Variants in TBC1D22A observed in about 807,000 individuals in gnomAD.
TBC1D22A encodes TBC1 domain family member 22A, also known as putative GTPase activator.
Under a neutral mutation model 60.2 loss-of-function variants are expected in TBC1D22A, and 38 were observed. That is an observed-to-expected ratio of 0.63 (90% CI 0.49 to 0.83). The LOEUF (loss-of-function observed/expected upper bound fraction) is 0.83. TBC1D22A is among the 40% of genes least tolerant of loss of function. The pLI, the probability that TBC1D22A is intolerant of heterozygous loss-of-function variation, is 0.00. For missense variants in TBC1D22A, 628 were observed against 701.0 expected, an observed-to-expected ratio of 0.90 and a Z score of 1.18; for synonymous variants, 302 against 281.7, an observed-to-expected ratio of 1.07 and a Z score of -0.72.
chr22:47,171,296 C>A (rs956158293), intron 12 of TBC1D22A, among the ~76,000 whole-genome samples: 1 of 152,214 alleles, frequency 6.6e-6, no homozygotes, highest in African/African-American at 2.4e-5. Context: ...GTGGCCCTCC[C>A]TGTCCCTTGT....
chr22:46,803,534 C>T (rs2084994016), intron 4 of TBC1D22A, among the ~76,000 whole-genome samples: 1 of 152,212 alleles, frequency 6.6e-6, no homozygotes, highest in Non-Finnish European at 1.5e-5. Flanking sequence ...GCGTCGCCCT[C>T]TAGTGGCCAG....
intron 4 of TBC1D22A, among the ~76,000 whole-genome samples, chr22:46,813,388 T>G (rs1270666974): frequency 2.0e-5 from 3 of 152,204 alleles, no homozygotes; most frequent in African/African-American, 4.8e-5. Flanking sequence ...TTATTTTCAG[T>G]GAGATTTTAA....
intron 4 of TBC1D22A, among the ~76,000 whole-genome samples, chr22:46,823,622 A>C (rs1421816092): frequency 1.3e-5 from 2 of 152,240 alleles, no homozygotes; most frequent in Non-Finnish European, 2.9e-5. Context: ...GGAGGATTCA[A>C]TGAATTCATG....
intron 11 of TBC1D22A, among the ~76,000 whole-genome samples, chr22:47,071,413 G>T (rs764738371): frequency 7.9e-5 from 12 of 152,198 alleles, no homozygotes; most frequent in Admixed American, 2.6e-4. Context: ...CTTTTTGGTG[G>T]AAGTGCAGGC....
At chr22:47,087,277 G>A (rs1035806617) in intron 11 of TBC1D22A, among the ~76,000 whole-genome samples, 1 of 152,102 alleles carries the variant, frequency 6.6e-6, no homozygotes, top group Non-Finnish European at 1.5e-5. Context: ...AGATACAAAG[G>A]GTCAGATCTG....
At chr22:47,084,730 T>C (rs1020839822) in intron 11 of TBC1D22A, among the ~76,000 whole-genome samples, 1 of 152,206 alleles carries the variant, frequency 6.6e-6, no homozygotes, top group Non-Finnish European at 1.5e-5. Context: ...AAGTCCCTGA[T>C]GAATACATAG....
intron 4 of TBC1D22A, 146 bp downstream of exon 4, chr22:46,797,766 T>C: frequency 1.2e-6 from 1 of 867,788 alleles, no homozygotes; most frequent in Non-Finnish European, 1.7e-6. Context: ...TGTTTTCATG[T>C]AATATTTTCA....
chr22:46,830,268 G>GTGAC (rs2086254684), intron 4 of TBC1D22A, among the ~76,000 whole-genome samples: 1 of 152,228 alleles, frequency 6.6e-6, no homozygotes, highest in Admixed American at 6.5e-5. Context: ...AGGCCTGAGA[G>GTGAC]TGACTGCTCA....
At chr22:47,114,707 C>T (rs767207492) in intron 12 of TBC1D22A, among the ~76,000 whole-genome samples, 48 of 152,178 alleles carry the variant, frequency 3.2e-4, no homozygotes, top group Non-Finnish European at 6.3e-4. Context: ...TTTGTTGCAG[C>T]CTTGTGATTT....
intron 11 of TBC1D22A, among the ~76,000 whole-genome samples, chr22:47,082,338 G>A (rs948433104): frequency 6.6e-6 from 1 of 152,118 alleles, no homozygotes; most frequent in Non-Finnish European, 1.5e-5. Flanking sequence ...CTAAGTTTGA[G>A]AACTTCTTGA....
At chr22:47,129,065 C>T (rs1165096673) in intron 12 of TBC1D22A, among the ~76,000 whole-genome samples, 1 of 152,200 alleles carries the variant, frequency 6.6e-6, no homozygotes, top group East Asian at 1.9e-4. Context: ...AGTGCCGTCA[C>T]CTCTTGGTGA....
chr22:47,021,403 C>T (rs1231395597), intron 10 of TBC1D22A, among the ~76,000 whole-genome samples: 2 of 149,742 alleles, frequency 1.3e-5, no homozygotes, highest in African/African-American at 4.9e-5. Context: ...AGCAGAACTC[C>T]ACCTGTAGCC....
chr22:46,843,015 T>C (rs1468119552), intron 4 of TBC1D22A, among the ~76,000 whole-genome samples: 11 of 152,196 alleles, frequency 7.2e-5, no homozygotes, highest in Admixed American at 7.2e-4. Context: ...TCTGAGTGTC[T>C]GCAGTGCCTC....
intron 12 of TBC1D22A, among the ~76,000 whole-genome samples, chr22:47,160,641 C>T (rs1473049586): frequency 6.6e-6 from 1 of 152,228 alleles, no homozygotes; most frequent in Non-Finnish European, 1.5e-5. Flanking sequence ...TGGAGCCGTG[C>T]CATGACTCAC....
chr22:46,972,197 A>G (rs2074092441), intron 8 of TBC1D22A, among the ~76,000 whole-genome samples: 1 of 152,218 alleles, frequency 6.6e-6, no homozygotes, highest in African/African-American at 2.4e-5. Flanking sequence ...CCATTTCCCC[A>G]TGCCACTGGG....
chr22:47,067,348 A>C (rs1435817145), intron 11 of TBC1D22A, among the ~76,000 whole-genome samples: 6 of 152,186 alleles, frequency 3.9e-5, no homozygotes, highest in Admixed American at 3.3e-4. Flanking sequence ...TTCCAGCACA[A>C]GCTCTTTCAG....
At chr22:46,963,381 A>ACACT (rs1214692871) in intron 8 of TBC1D22A, among the ~76,000 whole-genome samples, 76 of 71,818 alleles carry the variant, frequency 1.1e-3, no homozygotes, top group African/African-American at 3.3e-3. Context: ...GCAGTGCCCA[A>ACACT]GGCTGGAAAG....
intron 11 of TBC1D22A, among the ~76,000 whole-genome samples, chr22:47,087,749 G>C (rs1487346493): frequency 6.6e-6 from 1 of 152,096 alleles, no homozygotes; most frequent in Non-Finnish European, 1.5e-5. Flanking sequence ...TAAAATTAAA[G>C]AAGTAAAACA....
At chr22:47,157,114 T>C (rs2147190957) in intron 12 of TBC1D22A, among the ~76,000 whole-genome samples, 1 of 152,298 alleles carries the variant, frequency 6.6e-6, no homozygotes, top group Admixed American at 6.5e-5. Context: ...GCAAGGCGCC[T>C]CCTGTGGGGG....
Sources: allele counts gnomAD v4.1 joint callset (sites outside exome capture counted in the v4.1 genomes callset), GRCh38; gene constraint gnomAD v4.1.1; transcripts MANE v1.5; gene names NCBI Gene and HGNC (gene_info 2026-07-23, HGNC 2026-07-21).